Variants in EXOC4 observed in about 807,000 individuals in gnomAD.
The protein encoded by EXOC4 is exocyst complex component 4.
A neutral mutation model predicts 107.2 loss-of-function variants in EXOC4; 71 were observed. The observed-to-expected ratio is 0.66, with a 90% CI of 0.55 to 0.81. EXOC4 has a LOEUF of 0.81. EXOC4 is among the 30% of genes least tolerant of loss of function. The pLI is 0.00. For missense variants in EXOC4, 1,108 were observed against 1,189.6 expected (o/e 0.93, Z 1.01); for synonymous variants, 456 against 441.2 (o/e 1.03, Z -0.42).
At position 133,456,045 on chromosome 7, in the gene EXOC4, T is replaced by C. The variant is rs148258084; in HGVS notation, c.1183-19283T>C. On this transcript the variant is annotated intron_variant, in intron 7 of 17. Transcript: ENST00000253861. ...TGTCTTTGGTTGATATGCTTCATTC[T>C]GTAATCAATATACGTGTATTCTGCT... Among the ~76,000 whole-genome samples, 928 of 152,366 alleles carry C rather than the reference T, an allele frequency of 6.1e-3. 11 individuals carry two copies. Among genetic ancestry groups the C allele is most frequent in the African/African-American group, 0.021 (887 of 41,588 alleles).
chr7:133,655,930 C>G (rs1271282705), intron 10 of EXOC4, among the ~76,000 whole-genome samples: 1 of 152,132 alleles, frequency 6.6e-6, no homozygotes, highest in Non-Finnish European at 1.5e-5. Context: ...ATATACTGTA[C>G]TTCTGTAAGA....
chr7:134,075,806 C>G, the EXOC4 span, among the ~76,000 whole-genome samples: 1 of 152,120 alleles, frequency 6.6e-6, no homozygotes, highest in African/African-American at 2.4e-5. Context: ...TGTGTGAAAC[C>G]CTCCAGAGCT....
chr7:133,526,396 T>C (rs1234451750), intron 9 of EXOC4, among the ~76,000 whole-genome samples: 2 of 152,212 alleles, frequency 1.3e-5, no homozygotes, highest in Admixed American at 1.3e-4. Flanking sequence ...ACACCAGTTA[T>C]TCACTGGACT....
intron 10 of EXOC4, among the ~76,000 whole-genome samples, chr7:133,664,493 T>G (rs1793768580): frequency 6.6e-6 from 1 of 152,148 alleles, no homozygotes; most frequent in African/African-American, 2.4e-5. Context: ...GTTTTCCACC[T>G]CTGAACAGAG....
In EXOC4 at chr7:133,291,350, A is replaced by G. The variant is rs142408246; in HGVS notation, c.471+2234A>G. Among the ~76,000 whole-genome samples, 417 of 148,914 alleles carry G rather than the reference A, an allele frequency of 2.8e-3. 2 individuals carry two copies. The highest frequency in any genetic ancestry group is 9.5e-3 in the African/African-American group (387 of 40,726). On this transcript the variant is annotated intron_variant, in intron 3 of 17. Coordinates refer to ENST00000253861, the MANE Select transcript of EXOC4 (RefSeq NM_021807.4). ...AAATTAAAAATCGTAATGCAAAACAATTTCTCAATTTCTCAGTATTTTTTG... is the reference window on the plus strand; with the variant it reads ...AAATTAAAAATCGTAATGCAAAACAGTTTCTCAATTTCTCAGTATTTTTTG...
chr7:133,462,716 C>G (rs1275149671), intron 7 of EXOC4, among the ~76,000 whole-genome samples: 1 of 152,066 alleles, frequency 6.6e-6, no homozygotes, highest in Non-Finnish European at 1.5e-5. Context: ...GTACAGCTAA[C>G]ATTCCCCATA....
intron 7 of EXOC4, among the ~76,000 whole-genome samples, chr7:133,422,767 A>G (rs562927067): frequency 6.6e-6 from 1 of 152,354 alleles, no homozygotes; most frequent in Admixed American, 6.5e-5. Context: ...CTAGGAATCT[A>G]ATTCTTTTTA....
intron 3 of EXOC4, among the ~76,000 whole-genome samples, chr7:133,300,048 T>C (rs186442427): frequency 6.6e-6 from 1 of 152,288 alleles, no homozygotes; most frequent in African/African-American, 2.4e-5. Flanking sequence ...ACATCCTTTT[T>C]TTAATGGTGA....
chr7:133,975,270 G>A (rs1015551194), intron 14 of EXOC4, among the ~76,000 whole-genome samples: 5 of 152,248 alleles, frequency 3.3e-5, no homozygotes, highest in African/African-American at 1.2e-4. Context: ...TGATGACACT[G>A]ATATGGGGAT....
At chr7:133,708,476 T>A (rs2151093814) in intron 10 of EXOC4, among the ~76,000 whole-genome samples, 1 of 152,368 alleles carries the variant, frequency 6.6e-6, no homozygotes, top group Middle Eastern at 3.4e-3. Context: ...TTTATTCATT[T>A]ATTTATTCAA....
rs1490816177 is a variant in EXOC4, at chr7:133,480,053, C to T, written c.1332C>T (p.Phe444=). Residue 444 remains phenylalanine, a synonymous_variant, in exon 9 of 18, where the codon TTC becomes TTT. Coordinates refer to ENST00000253861, the MANE Select transcript of EXOC4 (RefSeq NM_021807.4). ...TTTCCCCTGTGTTTCTCTGCAGGTT[C>T]GAATCGTCCTCCCATGCCATCAGTA... ...PQRPKNSLFK[F]ESSSHAISMS... is the part of the protein sequence containing the mutation. 6 of 1,613,620 alleles carry T rather than the reference C, an allele frequency of 3.7e-6. No homozygotes were observed. Among genetic ancestry groups the T allele is most frequent in the South Asian group, 2.2e-5 (2 of 91,056 alleles).
intron 2 of EXOC4, among the ~76,000 whole-genome samples, chr7:133,279,099 T>C (rs1794069327): frequency 6.6e-6 from 1 of 152,122 alleles, no homozygotes. Context: ...GATAGTTTGC[T>C]GAGAATGATG....
At chr7:133,426,030 C>G (rs1242574209) in intron 7 of EXOC4, among the ~76,000 whole-genome samples, 2 of 152,208 alleles carry the variant, frequency 1.3e-5, no homozygotes, top group African/African-American at 4.8e-5. Context: ...TTCTCAGGAT[C>G]TCATGAGGGT....
At chr7:134,047,235 C>T (rs142099466) in intron 17 of EXOC4, among the ~76,000 whole-genome samples, 1 of 152,178 alleles carries the variant, frequency 6.6e-6, no homozygotes, top group East Asian at 1.9e-4. Context: ...CATAATGTAG[C>T]CCTTTCTGAG....
At chr7:133,772,146 A>C (rs1480654057) in intron 10 of EXOC4, among the ~76,000 whole-genome samples, 1 of 151,956 alleles carries the variant, frequency 6.6e-6, no homozygotes, top group Non-Finnish European at 1.5e-5. Context: ...TATATGAGGC[A>C]CGAGTTCAAC....
At chr7:133,924,467 A>C (rs1484563955) in intron 13 of EXOC4, among the ~76,000 whole-genome samples, 1 of 152,184 alleles carries the variant, frequency 6.6e-6, no homozygotes, top group Non-Finnish European at 1.5e-5. Flanking sequence ...CAAAGAAATG[A>C]ATTTTTACCC....
At chr7:133,584,131 G>A (rs1203285647) in intron 9 of EXOC4, among the ~76,000 whole-genome samples, 1 of 152,150 alleles carries the variant, frequency 6.6e-6, no homozygotes, top group East Asian at 1.9e-4. Flanking sequence ...GTTGAATTTG[G>A]GATATATGGG....
chr7:133,668,469 G>A (rs1480001331), intron 10 of EXOC4, among the ~76,000 whole-genome samples: 2 of 152,144 alleles, frequency 1.3e-5, no homozygotes, highest in African/African-American at 4.8e-5. Context: ...TTGGAATTCA[G>A]AATGCATTTT....
intron 5 of EXOC4, among the ~76,000 whole-genome samples, chr7:133,353,674 G>A (rs1795961183): frequency 6.6e-6 from 1 of 152,006 alleles, no homozygotes; most frequent in Admixed American, 6.6e-5. Flanking sequence ...TTATATTCAT[G>A]TATTTCATCA....
Sources: gnomAD v4.1 joint callset for allele counts (sites outside exome capture counted in the v4.1 genomes callset) on GRCh38, gnomAD v4.1.1 for gene constraint, MANE v1.5 for transcripts, NCBI Gene and HGNC (gene_info 2026-07-23, HGNC 2026-07-21) for gene names.